Variants in FOCAD observed in about 807,000 individuals in gnomAD.
The protein encoded by FOCAD is focadhesin.
FOCAD carries 198 observed loss-of-function variants against 225.6 expected under a neutral mutation model. That is an observed-to-expected ratio of 0.88 (90% CI 0.78 to 0.99). The LOEUF is 0.99. Ranked by LOEUF, FOCAD falls within the 50% of genes least tolerant of loss-of-function variation. The pLI, the probability that FOCAD is intolerant of heterozygous loss-of-function variation, is 0.00. For missense variants in FOCAD, 2,713 were observed against 2,123.6 expected (o/e 1.28, Z -5.46); for synonymous variants, 897 against 755.0 (o/e 1.19, Z -3.08).
intron 35 of FOCAD, among the ~76,000 whole-genome samples, chr9:20,972,800 A>G (rs973399105): frequency 5.3e-5 from 8 of 151,702 alleles, no homozygotes; most frequent in African/African-American, 1.9e-4. Flanking sequence ...TTCTTCTTCC[A>G]CCTTTTCAGT....
intron 21 of FOCAD, among the ~76,000 whole-genome samples, chr9:20,897,253 A>C (rs1235868704): frequency 1.3e-5 from 2 of 151,680 alleles, no homozygotes; most frequent in African/African-American, 4.8e-5. Flanking sequence ...GTCTTTCTCT[A>C]TCCATTTACG....
At chr9:20,955,781 G>A (rs1838083254) in intron 35 of FOCAD, among the ~76,000 whole-genome samples, 1 of 151,840 alleles carries the variant, frequency 6.6e-6, no homozygotes, top group Admixed American at 6.6e-5. Flanking sequence ...TCTTTTGTCT[G>A]ATTTCTGATT....
At chr9:20,767,868 G>C (rs1019035949) in intron 7 of FOCAD, among the ~76,000 whole-genome samples, 1 of 151,838 alleles carries the variant, frequency 6.6e-6, no homozygotes. Context: ...TGTTGCCATT[G>C]CTGTTGGTGT....
intron 21 of FOCAD, among the ~76,000 whole-genome samples, chr9:20,890,847 G>A (rs376955134): frequency 4.1e-4 from 45 of 109,644 alleles, no homozygotes; most frequent in East Asian, 1.5e-3. Flanking sequence ...CATTTATTTA[G>A]TATACATGAG....
intron 12 of FOCAD, 56 bp downstream of exon 12, chr9:20,819,956 G>A: frequency 9.3e-7 from 1 of 1,075,652 alleles, no homozygotes. Flanking sequence ...ATAATACTTT[G>A]AATTCTTTTT....
Position 20,707,549 on chromosome 9 carries a change from T to C in FOCAD, c.-32-7773T>C, listed in dbSNP as rs138558174. Among the ~76,000 whole-genome samples, 904 of 152,292 alleles carry C rather than the reference T, an allele frequency of 5.9e-3. 11 individuals are homozygous for C. Among genetic ancestry groups the C allele is most frequent in the Non-Finnish European group, 6.3e-3 (431 of 68,032 alleles). On this transcript the variant is annotated intron_variant, in intron 1 of 43. Transcript: ENST00000338382. ...TGATTCGTACACATTTTATGTATTA[T>C]ATATACTGTGTTCTTACAACAAAGA...
rs183817541 is a variant in FOCAD at position 20,782,087 on chromosome 9, A to G, written c.1197+158A>G. On this transcript the variant is annotated intron_variant, in intron 10 of 43. Coordinates refer to ENST00000338382, the MANE Select transcript of FOCAD (RefSeq NM_001375567.1). The stretch of plus-strand genomic sequence containing the variant: ...AGATCTCAACATATTCTTCTGGACT[A>G]TAAGAAGGGATAGTAGTCCTGTTGT... 6.6e-5 allele frequency among the ~76,000 whole-genome samples: 10 copies of G among 151,770 alleles called. No individual in the cohort carries two copies. In the East Asian group the frequency reaches 1.5e-3, roughly 23 times the overall value.
At chr9:20,806,026 C>T (rs1587243158) in intron 11 of FOCAD, among the ~76,000 whole-genome samples, 1 of 152,120 alleles carries the variant, frequency 6.6e-6, no homozygotes, top group Non-Finnish European at 1.5e-5. Flanking sequence ...CATGTCTGCT[C>T]TTTGAAACTG....
At chr9:20,725,488 A>G (rs1826124850) in intron 4 of FOCAD, among the ~76,000 whole-genome samples, 1 of 152,234 alleles carries the variant, frequency 6.6e-6, no homozygotes, top group South Asian at 2.1e-4. Context: ...TCTATAGAAT[A>G]GATGTTTAGA....
rs778020286 is a variant in FOCAD, at chr9:20,720,573, G to A, written c.287+39G>A. The A allele has an allele frequency of 1.3e-5, 21 of 1,591,038 alleles. No individual in the cohort carries two copies. In the Admixed American group the frequency reaches 3.4e-4, roughly 25 times the overall value. ...AGTGTTTGGTCAGTTAATGATTTAAGTTTTTAGGAAAAAAATTCACTAAAT... is the reference window on the plus strand; with the variant it reads ...AGTGTTTGGTCAGTTAATGATTTAAATTTTTAGGAAAAAAATTCACTAAAT... On this transcript the variant is annotated intron_variant, in intron 4 of 43. Transcript: ENST00000338382.
chr9:20,784,519 T>A (rs72703925), intron 10 of FOCAD, among the ~76,000 whole-genome samples: 25,362 of 152,020 alleles, frequency 0.17, 2,577 homozygotes, highest in Non-Finnish European at 0.22. Context: ...ATGGGTGAGA[T>A]GAAGTGGAAA....
chr9:20,685,601 A>G (rs1822616285), intron 1 of FOCAD, among the ~76,000 whole-genome samples: 1 of 152,232 alleles, frequency 6.6e-6, no homozygotes, highest in Non-Finnish European at 1.5e-5. Context: ...TGTTACATAC[A>G]AAGGTATGAT....
At chr9:20,854,910 A>C (rs756986285) in intron 15 of FOCAD, among the ~76,000 whole-genome samples, 1 of 151,802 alleles carries the variant, frequency 6.6e-6, no homozygotes, top group Non-Finnish European at 1.5e-5. Flanking sequence ...TTAAATTCCT[A>C]ATCTAAAAAC....
intron 29 of FOCAD, among the ~76,000 whole-genome samples, chr9:20,946,201 A>G (rs1375650963): frequency 2.6e-5 from 4 of 152,150 alleles, no homozygotes; most frequent in Non-Finnish European, 5.9e-5. Flanking sequence ...TGACTCCAGA[A>G]TCCATATTCC....
chr9:20,875,339 T>A (rs1344480031), intron 19 of FOCAD: 1 of 152,952 alleles, frequency 6.5e-6, no homozygotes, highest in African/African-American at 2.4e-5. Context: ...TTATAGGGCC[T>A]TTATCTTTTA....
chr9:20,880,083 C>T (rs1830543802), intron 19 of FOCAD, among the ~76,000 whole-genome samples: 1 of 152,172 alleles, frequency 6.6e-6, no homozygotes, highest in African/African-American at 2.4e-5. Flanking sequence ...AATTGGGGTA[C>T]ATGGCCTGCA....
At chr9:20,690,284 C>T (rs1277118571) in intron 1 of FOCAD, among the ~76,000 whole-genome samples, 2 of 152,198 alleles carry the variant, frequency 1.3e-5, no homozygotes, top group African/African-American at 2.4e-5. Flanking sequence ...CTGAACATTG[C>T]ATTTCCCCTA....
intron 30 of FOCAD, among the ~76,000 whole-genome samples, chr9:20,947,173 T>C (rs1837262870): frequency 6.6e-6 from 1 of 152,286 alleles, no homozygotes; most frequent in South Asian, 2.1e-4. Flanking sequence ...TATGAATACA[T>C]AGAAGTCTCT....
chr9:20,982,654 T>C (rs1457639690), intron 39 of FOCAD, among the ~76,000 whole-genome samples: 1 of 152,222 alleles, frequency 6.6e-6, no homozygotes, highest in African/African-American at 2.4e-5. Flanking sequence ...GATGGATAGA[T>C]GGATGAATAA....
Sources: gnomAD v4.1 joint callset for allele counts (sites outside exome capture counted in the v4.1 genomes callset) on GRCh38, gnomAD v4.1.1 for gene constraint, MANE v1.5 for transcripts, NCBI Gene and HGNC (gene_info 2026-07-23, HGNC 2026-07-21) for gene names.